RIMS1: variants seen among roughly 807,000 people sequenced by gnomAD.
RIMS1 encodes regulating synaptic membrane exocytosis protein 1.
Under a neutral mutation model 214.1 loss-of-function variants are expected in RIMS1, and 83 were observed. The observed-to-expected ratio is 0.39, with a 90% confidence interval of 0.32 to 0.47. The LOEUF (loss-of-function observed/expected upper bound fraction) is 0.47, where lower values mean the gene tolerates loss of function less well. Among genes scored for constraint, RIMS1 ranks in the 20% least tolerant of loss-of-function variants. The probability of loss-of-function intolerance (pLI) is 0.99; values close to 1 mark genes in which losing one functional copy is unlikely to be tolerated. For synonymous variants in RIMS1, 793 were observed against 786.8 expected (o/e 1.01, Z -0.13); for missense variants, 2,050 against 2,161.8 (o/e 0.95, Z 1.03).
chr6:72,028,436 G>A (rs1817157881), intron 2 of RIMS1, among the ~76,000 whole-genome samples: 1 of 152,016 alleles, frequency 6.6e-6, no homozygotes, highest in African/African-American at 2.4e-5. Flanking sequence ...AATATATTTT[G>A]CAGTGTGAAA....
At position 72,263,249 on chromosome 6, in the gene RIMS1, A is replaced by T. The variant is rs1412146147; in HGVS notation, c.3117-1726A>T. On this transcript the variant is annotated intron_variant, in intron 19 of 33. Transcript: ENST00000521978. ...TGTATGTTTAGTTTCTTTTCTCCCA[A>T]ATTGTTTAATTTCCCAACCTTTTTT... 3 of 984,958 alleles carry T rather than the reference A, an allele frequency of 3.0e-6. No individual in the cohort carries two copies. The African/African-American group carries it at 5.2e-5, about 17-fold the overall frequency. The allele number at this position is 984,958 out of a possible 1,614,324, so 61.0% of individuals were successfully genotyped here. A position where few individuals can be genotyped will look rare whatever the true frequency, so the allele number is the denominator to read the frequency against.
At chr6:72,151,084 C>G (rs2043495468) in intron 4 of RIMS1, among the ~76,000 whole-genome samples, 1 of 152,040 alleles carries the variant, frequency 6.6e-6, no homozygotes. Flanking sequence ...GCTCTGTCAC[C>G]CAGGCTGGAG....
At chr6:72,012,203 C>G (rs1254425011) in intron 2 of RIMS1, among the ~76,000 whole-genome samples, 5 of 152,084 alleles carry the variant, frequency 3.3e-5, no homozygotes, top group Non-Finnish European at 2.9e-5. Flanking sequence ...AGCTGGAAAC[C>G]ATCATTCTCA....
At chr6:72,237,609 G>A (rs2064779760) in intron 8 of RIMS1, among the ~76,000 whole-genome samples, 2 of 151,508 alleles carry the variant, frequency 1.3e-5, no homozygotes, top group South Asian at 2.1e-4. Context: ...CTGGGAGGTC[G>A]AGGCTGCAGT....
Position 72,399,968 on chromosome 6 carries a change from G to T in RIMS1, c.4861-528G>T, listed in dbSNP as rs117962059. ...GCAGGCAAGTCCTCAAAAGGTACCAGCTCACAATTATTTTTTGACCTACCC... is the reference window on the plus strand; with the variant it reads ...GCAGGCAAGTCCTCAAAAGGTACCATCTCACAATTATTTTTTGACCTACCC... On this transcript the variant is annotated intron_variant, in intron 33 of 33. Transcript: ENST00000521978. 4.5e-4 allele frequency among the ~76,000 whole-genome samples: 69 copies of T among 152,184 alleles called. 1 individual carries two copies. In the East Asian group the frequency reaches 0.013, roughly 28 times the overall value.
At chr6:71,980,345 T>C (rs1371909472) in intron 2 of RIMS1, among the ~76,000 whole-genome samples, 1 of 152,100 alleles carries the variant, frequency 6.6e-6, no homozygotes, top group Non-Finnish European at 1.5e-5. Context: ...AAAATGATAA[T>C]GGTGAATAAA....
At chr6:72,097,322 G>A (rs987144596) in intron 3 of RIMS1, among the ~76,000 whole-genome samples, 160 bp downstream of exon 3, 5 of 152,126 alleles carry the variant, frequency 3.3e-5, no homozygotes, top group African/African-American at 1.2e-4. Flanking sequence ...ATAAGGTAGT[G>A]GAATGCTGAT....
At position 72,098,928 on chromosome 6, in the gene RIMS1, G is replaced by A. The variant is rs12198121; in HGVS notation, c.460-1047G>A. Among the ~76,000 whole-genome samples the A allele has an allele frequency of 7.1e-3, 1,084 of 152,250 alleles. 13 individuals carry two copies. Among genetic ancestry groups the A allele is most frequent in the South Asian group, 0.028 (134 of 4,820 alleles). On this transcript the variant is annotated intron_variant, in intron 3 of 33. Transcript: ENST00000521978. ...TATCTGGCACATAGAAAGTACATAAGATCTATTTGTTAACTTCCCCTTCTA... is the reference window on the plus strand; with the variant it reads ...TATCTGGCACATAGAAAGTACATAAAATCTATTTGTTAACTTCCCCTTCTA...
intron 2 of RIMS1, among the ~76,000 whole-genome samples, chr6:72,011,596 T>C (rs1204458): frequency 0.18 from 27,269 of 152,006 alleles, 3,014 homozygotes; most frequent in Non-Finnish European, 0.23. Flanking sequence ...AAAGGGCTAA[T>C]ATCCAGAATC....
At position 72,182,658 on chromosome 6, in the gene RIMS1, C is replaced by G; in HGVS notation, c.1187C>G (p.Pro396Arg). 1.4e-6 allele frequency: 2 copies of G among 1,481,000 alleles called. No individual in the cohort carries two copies. The highest frequency in any genetic ancestry group is 1.8e-6 in the Non-Finnish European group (2 of 1,119,208). The allele number at this position is 1,481,000 out of a possible 1,614,324, so 91.7% of individuals were successfully genotyped here. A position where few individuals can be genotyped will look rare whatever the true frequency, so the allele number is the denominator to read the frequency against. Residue 396 changes from proline to arginine, a missense_variant, in exon 6 of 34, where the codon CCG (proline) becomes CGG (arginine). By Grantham distance (103) the Pro-to-Arg change is moderately radical (BLOSUM62 -2). Coordinates refer to ENST00000521978, the MANE Select transcript of RIMS1 (RefSeq NM_014989.7). ...HERRHSDVALPRTEAGAALPE... is the reference protein window; with the variant it reads ...HERRHSDVALRRTEAGAALPE... ...CGGCGCCACAGCGACGTGGCGCTCC[C>G]GCGCACCGAGGCGGGCGCGGCGCTG...
intron 4 of RIMS1, among the ~76,000 whole-genome samples, chr6:72,116,104 A>C (rs2037022561): frequency 6.6e-6 from 1 of 152,004 alleles, no homozygotes; most frequent in Admixed American, 6.6e-5. Context: ...TAGAGTGAGA[A>C]GCACTGCAGT....
At chr6:72,128,093 A>G (rs923423259) in intron 4 of RIMS1, among the ~76,000 whole-genome samples, 1 of 152,190 alleles carries the variant, frequency 6.6e-6, no homozygotes, top group Non-Finnish European at 1.5e-5. Flanking sequence ...AATGTGGAGC[A>G]AGGTGCCTGC....
chr6:72,196,579 A>G (rs549787650), intron 6 of RIMS1, among the ~76,000 whole-genome samples: 1 of 32,668 alleles, frequency 3.1e-5, no homozygotes, highest in Non-Finnish European at 4.7e-5. Context: ...AGCCAGCTGC[A>G]CTTTTTTTTT....
intron 2 of RIMS1, among the ~76,000 whole-genome samples, chr6:72,045,047 C>A (rs1485249732): frequency 6.6e-6 from 1 of 151,824 alleles, no homozygotes; most frequent in East Asian, 1.9e-4. Flanking sequence ...ATACATACAA[C>A]AACACTGACG....
At chr6:72,235,467 G>T (rs1371513776) in intron 7 of RIMS1, 151 bp from the exon 8 acceptor site, 3 of 521,944 alleles carry the variant, frequency 5.7e-6, no homozygotes, top group Non-Finnish European at 1.0e-5. Context: ...ACTTTCATGC[G>T]GGAACTAACA....
intron 6 of RIMS1, among the ~76,000 whole-genome samples, chr6:72,196,373 G>GTTTGTCTATCTATCTA (rs1183303526): frequency 1.3e-4 from 13 of 102,432 alleles, no homozygotes; most frequent in Admixed American, 2.1e-4. Context: ...CTGTCTGTCT[G>GTTTGTCTATCTATCTA]TCTGTCTATC....
intron 29 of RIMS1, among the ~76,000 whole-genome samples, chr6:72,338,247 C>T (rs1299774434): frequency 6.6e-6 from 1 of 151,848 alleles, no homozygotes; most frequent in Non-Finnish European, 1.5e-5. Context: ...TCCTCTCCAG[C>T]ACCTGTTGTT....
At chr6:72,118,473 ATGAAGCCAGTATTACCCTAATAC>A (rs1223778478) in intron 4 of RIMS1, among the ~76,000 whole-genome samples, 3 of 151,678 alleles carry the variant, frequency 2.0e-5, no homozygotes, top group East Asian at 3.8e-4. Flanking sequence ...TAAACGTTCT[ATGAAGCCAGTATTACCCTAATAC>A]AAAAACCAGG....
At chr6:72,187,479 G>GTGT (rs1554265509) in intron 6 of RIMS1, among the ~76,000 whole-genome samples, 1 of 125,616 alleles carries the variant, frequency 8.0e-6, no homozygotes, top group Non-Finnish European at 1.6e-5. Context: ...TATCCTTTTT[G>GTGT]TTTTTTTTTT....
Sources: allele counts gnomAD v4.1 joint callset (sites outside exome capture counted in the v4.1 genomes callset), GRCh38; gene constraint gnomAD v4.1.1; transcripts MANE v1.5; gene names NCBI Gene and HGNC (gene_info 2026-07-23, HGNC 2026-07-21).